The following JAKMIP2 variants were observed in gnomAD, a reference collection of about 807,000 sequenced individuals.
JAKMIP2 encodes the protein janus kinase and microtubule interacting protein 2, also known as janus kinase and microtubule-interacting protein 2.
A neutral mutation model predicts 115.0 loss-of-function variants in JAKMIP2; 25 were observed. The observed-to-expected ratio is 0.22, with a 90% CI of 0.16 to 0.30. The LOEUF (loss-of-function observed/expected upper bound fraction) is 0.30. Among genes scored for constraint, JAKMIP2 ranks in the 10% least tolerant of loss-of-function variants. JAKMIP2 has a pLI of 1.00. For missense variants in JAKMIP2, 642 were observed against 957.6 expected, an observed-to-expected ratio of 0.67 and a Z score of 4.35; for synonymous variants, 334 against 343.6, an observed-to-expected ratio of 0.97 and a Z score of 0.31.
chr5:147,690,305 C>G (rs1751762938), intron 1 of JAKMIP2, among the ~76,000 whole-genome samples: 1 of 151,676 alleles, frequency 6.6e-6, no homozygotes, highest in Admixed American at 6.6e-5. Flanking sequence ...TGCACTCCAG[C>G]CTGGGTGACA....
chr5:147,616,095 G>A (rs552312802), intron 19 of JAKMIP2, among the ~76,000 whole-genome samples: 1 of 152,100 alleles, frequency 6.6e-6, no homozygotes, highest in Admixed American at 6.6e-5. Context: ...ACAGGCAGAT[G>A]GGGAGAGAGA....
chr5:147,607,568 T>C (rs571480719), intron 20 of JAKMIP2, among the ~76,000 whole-genome samples: 11 of 152,302 alleles, frequency 7.2e-5, no homozygotes, highest in Admixed American at 2.6e-4. Flanking sequence ...CTGCTGGATT[T>C]GGTTTGCCAG....
Position 147,661,257 on chromosome 5 carries a change from T to C in JAKMIP2, c.318A>G (p.Val106=), listed in dbSNP as rs775796374. ...HEQEMSRTVK[V]RDGEIQRLKS... ...TGAGCCTCTGGATCTCTCCATCACG[T>C]ACCTTCACCGTCCTTGACATTTCCT... The change falls in exon 3 of 22, where the codon GTA becomes GTG. Residue 106 remains valine, a synonymous_variant. Coordinates refer to ENST00000616793, the MANE Select transcript of JAKMIP2 (RefSeq NM_001270941.2). The C allele has an allele frequency of 3.7e-6, 6 of 1,613,962 alleles. No homozygotes were observed. Among genetic ancestry groups the C allele is most frequent in the Non-Finnish European group, 5.1e-6 (6 of 1,180,012 alleles).
At chr5:147,748,085 C>T (rs1754414226) in intron 1 of JAKMIP2, among the ~76,000 whole-genome samples, 1 of 152,160 alleles carries the variant, frequency 6.6e-6, no homozygotes, top group Non-Finnish European at 1.5e-5. Context: ...ATAGACTTAT[C>T]TCACAAAATG....
chr5:147,667,989 G>A (rs1019393054), intron 2 of JAKMIP2, among the ~76,000 whole-genome samples: 2 of 152,176 alleles, frequency 1.3e-5, no homozygotes, highest in Non-Finnish European at 2.9e-5. Context: ...TGTGTCTCTT[G>A]GAGCAAATGA....
Position 147,660,994 on chromosome 5 carries a change from G to A in JAKMIP2, c.581C>T (p.Ala194Val), listed in dbSNP as rs762878726. ...LRSEHQSHQE[A>V]ISKIKWESER... Reference sequence around the variant, plus strand: ...CGACTCCCACTTGATCTTCGAGATGGCTTCTTGGTGGGACTGATGCTCACT... The same window carrying A: ...CGACTCCCACTTGATCTTCGAGATGACTTCTTGGTGGGACTGATGCTCACT... The change falls in exon 3 of 22, where the codon GCC becomes GTC. Residue 194 changes from alanine (A) to valine (V), a missense_variant. Around this residue, in one of 6 missense-constraint regions of JAKMIP2, gnomAD observed 439 missense variants for 570.9 expected, o/e 0.77. Coordinates refer to ENST00000616793, the MANE Select transcript of JAKMIP2 (RefSeq NM_001270941.2). 1.2e-6 allele frequency: 2 copies of A among 1,613,962 alleles called. No homozygotes were observed. The highest frequency in any genetic ancestry group is 4.5e-5 in the East Asian group (2 of 44,840).
intron 1 of JAKMIP2, among the ~76,000 whole-genome samples, chr5:147,673,820 CAT>C (rs35379141): frequency 0.32 from 48,560 of 150,154 alleles, 8,582 homozygotes; most frequent in East Asian, 0.57. Flanking sequence ...AGTAAATTCA[CAT>C]ATATATATAT....
chr5:147,602,680 G>A (rs1290051878), intron 20 of JAKMIP2, among the ~76,000 whole-genome samples: 1 of 152,104 alleles, frequency 6.6e-6, no homozygotes, highest in African/African-American at 2.4e-5. Context: ...AAAGTCATGG[G>A]TCAGGTCAGT....
At chr5:147,766,165 GA>G (rs1755149666) in intron 1 of JAKMIP2, among the ~76,000 whole-genome samples, 1 of 152,086 alleles carries the variant, frequency 6.6e-6, no homozygotes, top group African/African-American at 2.4e-5. Context: ...TTCCCTCAAA[GA>G]GACACTGTAG....
chr5:147,594,352 T>A, intron 21 of JAKMIP2: 1 of 383,440 alleles, frequency 2.6e-6, no homozygotes. Flanking sequence ...TTTTTCTTTT[T>A]GATACAGGGT....
intron 1 of JAKMIP2, among the ~76,000 whole-genome samples, chr5:147,742,421 A>G (rs1266657149): frequency 6.6e-6 from 1 of 152,042 alleles, no homozygotes; most frequent in African/African-American, 2.4e-5. Context: ...ACCTTCCTAC[A>G]TAATCATTCA....
At chr5:147,637,492 T>G (rs1757680355) in intron 10 of JAKMIP2, among the ~76,000 whole-genome samples, 2 of 145,422 alleles carry the variant, frequency 1.4e-5, no homozygotes, top group African/African-American at 5.1e-5. Flanking sequence ...CAGGCTGGAA[T>G]GCAGTGGCAC....
intron 1 of JAKMIP2, among the ~76,000 whole-genome samples, chr5:147,704,765 T>C (rs1752501657): frequency 6.6e-6 from 1 of 152,162 alleles, no homozygotes; most frequent in African/African-American, 2.4e-5. Context: ...AATAATCATT[T>C]CTACTTGATA....
At chr5:147,673,831 AT>A (rs1237876783) in intron 1 of JAKMIP2, among the ~76,000 whole-genome samples, 1 of 152,134 alleles carries the variant, frequency 6.6e-6, no homozygotes, top group Non-Finnish European at 1.5e-5. Context: ...ATATATATAT[AT>A]ATATCTATCT....
intron 21 of JAKMIP2, among the ~76,000 whole-genome samples, chr5:147,599,594 C>T (rs945842209): frequency 2.6e-5 from 4 of 152,148 alleles, no homozygotes; most frequent in South Asian, 2.1e-4. Flanking sequence ...CAAGGAGTTA[C>T]ACAAAATGGG....
At position 147,587,861 on chromosome 5, in the gene JAKMIP2, A is replaced by G. The variant is rs1754938508; in HGVS notation, c.*3846T>C. Reference sequence around the variant, plus strand: ...GGAGAACACATTTGCTCTCTACCTAAGTGATAACCCAGGCCTTCTATATCA... The same window carrying G: ...GGAGAACACATTTGCTCTCTACCTAGGTGATAACCCAGGCCTTCTATATCA... On this transcript the variant is annotated 3_prime_UTR_variant, in exon 22 of 22. Coordinates refer to ENST00000616793, the MANE Select transcript of JAKMIP2 (RefSeq NM_001270941.2). 1 of 151,932 alleles carries G rather than the reference A, an allele frequency of 6.6e-6. No individual in the cohort carries two copies. Among genetic ancestry groups the G allele is most frequent in the African/African-American group, 2.4e-5 (1 of 41,346 alleles). 9.4% of individuals were successfully genotyped at this position (151,932 alleles called of 1,614,324 possible).
intron 1 of JAKMIP2, among the ~76,000 whole-genome samples, chr5:147,697,661 T>C (rs1359720834): frequency 6.6e-6 from 1 of 152,144 alleles, no homozygotes; most frequent in Non-Finnish European, 1.5e-5. Context: ...AAGGTACAGC[T>C]CAGGCCATGC....
chr5:147,710,535 T>C (rs1752737898), intron 1 of JAKMIP2, among the ~76,000 whole-genome samples: 1 of 152,186 alleles, frequency 6.6e-6, no homozygotes, highest in South Asian at 2.1e-4. Context: ...AATAAGTCAA[T>C]TAACTCCTTA....
intron 3 of JAKMIP2, among the ~76,000 whole-genome samples, chr5:147,658,558 C>T (rs1758794545): frequency 6.6e-6 from 1 of 152,120 alleles, no homozygotes; most frequent in Non-Finnish European, 1.5e-5. Flanking sequence ...GAGAATCTCC[C>T]TTGTCAGGAT....
Sources: allele counts gnomAD v4.1 joint callset (sites outside exome capture counted in the v4.1 genomes callset), GRCh38; gene constraint gnomAD v4.1.1; regional missense constraint gnomAD v4.1.1; transcripts MANE v1.5; gene names NCBI Gene and HGNC (gene_info 2026-07-23, HGNC 2026-07-21).